The following TNR variants were observed in gnomAD, a reference collection of about 807,000 sequenced individuals.
TNR encodes tenascin-R.
TNR carries 45 observed loss-of-function variants against 150.4 expected under a neutral mutation model. The ratio of observed to expected loss-of-function variants is 0.30; its 90% CI spans 0.24 to 0.38. The LOEUF (loss-of-function observed/expected upper bound fraction) is 0.38, where lower values mean the gene tolerates loss of function less well. Ranked by LOEUF, TNR falls within the 10% of genes least tolerant of loss-of-function variation. The probability of loss-of-function intolerance (pLI) is 1.00; values close to 1 mark genes in which losing one functional copy is unlikely to be tolerated. For missense variants in TNR, 1,544 were observed against 1,759.1 expected (o/e 0.88, Z 2.19); for synonymous variants, 687 against 678.4 (o/e 1.01, Z -0.20).
intron 9 of TNR, among the ~76,000 whole-genome samples, chr1:175,369,953 A>G (rs16848329): frequency 0.054 from 8,259 of 152,242 alleles, 317 homozygotes; most frequent in Middle Eastern, 0.18. Context: ...TCTCCCAGGA[A>G]TGCAGTCCCG....
chr1:175,724,846 G>C (rs1667435503), intron 1 of TNR, among the ~76,000 whole-genome samples: 1 of 152,150 alleles, frequency 6.6e-6, no homozygotes, highest in Non-Finnish European at 1.5e-5. Context: ...GAGTTTGGCA[G>C]AGGGAGGAAG....
chr1:175,454,399 T>C (rs1409119407), intron 2 of TNR, among the ~76,000 whole-genome samples: 1 of 152,230 alleles, frequency 6.6e-6, no homozygotes, highest in Non-Finnish European at 1.5e-5. Flanking sequence ...GCTATTCAGA[T>C]AAGATAAAAA....
intron 2 of TNR, among the ~76,000 whole-genome samples, chr1:175,469,214 C>G (rs913943698): frequency 1.3e-5 from 2 of 152,068 alleles, no homozygotes; most frequent in Non-Finnish European, 1.5e-5. Flanking sequence ...AAGAGATGCA[C>G]CTTGTTCTCT....
intron 9 of TNR, among the ~76,000 whole-genome samples, chr1:175,375,187 T>G (rs971856375): frequency 1.3e-5 from 2 of 151,934 alleles, no homozygotes; most frequent in East Asian, 1.9e-4. Context: ...GTTTTTTTTT[T>G]TTGTTGCTGC....
chr1:175,605,945 G>GT (rs1455231975), intron 1 of TNR, among the ~76,000 whole-genome samples: 1 of 152,224 alleles, frequency 6.6e-6, no homozygotes, highest in Non-Finnish European at 1.5e-5. Flanking sequence ...GAGAGATTTA[G>GT]TGTTGGGAAG....
intron 1 of TNR, among the ~76,000 whole-genome samples, chr1:175,568,537 C>T (rs1248685900): frequency 1.3e-5 from 2 of 152,170 alleles, no homozygotes; most frequent in Non-Finnish European, 2.9e-5. Flanking sequence ...CTCTTGTCTG[C>T]CTCTTTGCAC....
chr1:175,480,108 G>A (rs550236445), intron 2 of TNR, among the ~76,000 whole-genome samples: 11 of 152,118 alleles, frequency 7.2e-5, no homozygotes, highest in African/African-American at 1.2e-4. Context: ...CAGAACTGAC[G>A]GTGACCTAAG....
At chr1:175,669,850 C>A (rs1392024091) in intron 1 of TNR, among the ~76,000 whole-genome samples, 2 of 152,176 alleles carry the variant, frequency 1.3e-5, no homozygotes, top group East Asian at 3.9e-4. Context: ...TTTGCTGCCA[C>A]CTTTACTGCT....
At chr1:175,650,821 T>C (rs1180536871) in intron 1 of TNR, among the ~76,000 whole-genome samples, 1 of 2,734 alleles carries the variant, frequency 3.7e-4, no homozygotes. Flanking sequence ...GTCCCCCACC[T>C]CCTTACTACC....
At chr1:175,567,815 T>G (rs950227573) in intron 1 of TNR, among the ~76,000 whole-genome samples, 1 of 152,154 alleles carries the variant, frequency 6.6e-6, no homozygotes, top group Non-Finnish European at 1.5e-5. Flanking sequence ...GATACTTTCA[T>G]GTGAATGAAG....
Position 175,365,195 on chromosome 1 carries a change from G to C in TNR, c.2402C>G (p.Ala801Gly). The C allele has an allele frequency of 6.2e-7, 1 of 1,614,132 alleles. No homozygotes were observed. The highest frequency in any genetic ancestry group is 8.5e-7 in the Non-Finnish European group (1 of 1,179,998). ...NITWSDPSPP[A>G]DRLILNYSPR... ...GCTGTAGTTAAGAATGAGTCTGTCT[G>C]CTGGGGGAGATGGATCACTCCAAGT... Residue 801 changes from alanine to glycine, a missense_variant, in exon 12 of 23, where the codon GCA (alanine) becomes GGA (glycine). By Grantham distance (60) the Ala-to-Gly change is moderately conservative (BLOSUM62 0). Transcript: ENST00000367674.
At chr1:175,540,093 G>A (rs114468974) in intron 1 of TNR, among the ~76,000 whole-genome samples, 1,711 of 152,214 alleles carry the variant, frequency 0.011, 36 homozygotes, top group African/African-American at 0.038. Flanking sequence ...GAGTGGGGAG[G>A]GAACTGGCAC....
intron 1 of TNR, among the ~76,000 whole-genome samples, chr1:175,544,166 G>A (rs749368587): frequency 6.6e-6 from 1 of 152,182 alleles, no homozygotes; most frequent in African/African-American, 2.4e-5. Context: ...GCAACGAAGA[G>A]GCAAGATCAG....
In TNR at chr1:175,337,660, A is replaced by T. The variant is rs1429443855; in HGVS notation, c.3402T>A (p.His1134Gln). The change falls in exon 19 of 23, where the codon CAT (histidine) becomes CAA (glutamine). Residue 1134 changes from histidine (H) to glutamine (Q), a missense_variant. Transcript: ENST00000367674. ...AFTTGGRVFP[H>Q]PQDCAQHLMN... is the part of the protein sequence containing the mutation. ...TCAAATGCTGGGCACAGTCTTGGGG[A>T]TGAGGGAACACCCGGCCTCCTGCAA... The T allele has an allele frequency of 1.2e-6, 2 of 1,614,156 alleles. No homozygotes were observed. The highest frequency in any genetic ancestry group is 1.7e-6 in the Non-Finnish European group (2 of 1,180,018).
At chr1:175,406,982 G>A (rs953068237) in intron 2 of TNR, among the ~76,000 whole-genome samples, 2 of 152,186 alleles carry the variant, frequency 1.3e-5, no homozygotes, top group African/African-American at 2.4e-5. Context: ...CACTGCTTCT[G>A]CATACTATTT....
At chr1:175,628,539 A>C (rs1201489656) in intron 1 of TNR, among the ~76,000 whole-genome samples, 2 of 151,896 alleles carry the variant, frequency 1.3e-5, no homozygotes, top group Non-Finnish European at 1.5e-5. Context: ...AAAAAAAAAG[A>C]ATGGCACCTT....
intron 1 of TNR, among the ~76,000 whole-genome samples, chr1:175,530,718 C>T (rs572647567): frequency 1.7e-5 from 2 of 117,498 alleles, no homozygotes; most frequent in South Asian, 5.9e-4. Flanking sequence ...TTTTAGTGCA[C>T]TCTCTTTTTT....
At chr1:175,402,639 T>C (rs1332457769) in intron 4 of TNR, among the ~76,000 whole-genome samples, 2 of 152,214 alleles carry the variant, frequency 1.3e-5, no homozygotes, top group African/African-American at 4.8e-5. Context: ...CATCTTGCAA[T>C]CTGTAAGCTC....
chr1:175,617,280 G>T (rs188305305), intron 1 of TNR, among the ~76,000 whole-genome samples: 16 of 152,314 alleles, frequency 1.1e-4, no homozygotes, highest in Admixed American at 3.3e-4. Flanking sequence ...TCCCCATGGA[G>T]ATTTACCCTT....
Sources: gnomAD v4.1 joint callset for allele counts (sites outside exome capture counted in the v4.1 genomes callset) on GRCh38, gnomAD v4.1.1 for gene constraint, MANE v1.5 for transcripts, NCBI Gene and HGNC (gene_info 2026-07-23, HGNC 2026-07-21) for gene names.